Variants in PRH1 observed in about 807,000 individuals in gnomAD.
The protein encoded by PRH1 is proline rich protein HaeIII subfamily 1, also known as salivary acidic proline-rich phosphoprotein 1/2.
PRH1 carries 7 observed loss-of-function variants against 7.9 expected under a neutral mutation model. The observed-to-expected ratio is 0.89, with a 90% CI of 0.50 to 1.67. The LOEUF is 1.67. Among genes scored for constraint, PRH1 ranks in the 40% most tolerant of loss-of-function variants. The pLI, the probability that PRH1 is intolerant of heterozygous loss-of-function variation, is 0.00. For synonymous variants in PRH1, 45 were observed against 80.8 expected (o/e 0.56, Z 2.38); for missense variants, 109 against 223.6 (o/e 0.49, Z 3.27).
intron 1 of PRH1, among the ~76,000 whole-genome samples, chr12:11,167,801 C>T (rs1002696437): frequency 6.6e-6 from 1 of 152,132 alleles, no homozygotes; most frequent in Non-Finnish European, 1.5e-5. Flanking sequence ...AGTTTACTCT[C>T]TTTGTTAGAG....
At chr12:11,155,702 T>G (rs1238319246) in intron 1 of PRH1, among the ~76,000 whole-genome samples, 6 of 152,202 alleles carry the variant, frequency 3.9e-5, no homozygotes, top group Non-Finnish European at 8.8e-5. Context: ...TTTCAATTTC[T>G]CTATATTGTT....
intron 1 of PRH1, among the ~76,000 whole-genome samples, chr12:11,170,460 T>C (rs536709873): frequency 2.6e-5 from 4 of 152,286 alleles, no homozygotes; most frequent in Non-Finnish European, 5.9e-5. Context: ...GGCAGGAGAA[T>C]GGCGTGAACC....
intron 2 of PRH1, among the ~76,000 whole-genome samples, chr12:10,933,377 T>A (rs1333642357): frequency 6.6e-6 from 1 of 152,074 alleles, no homozygotes; most frequent in Admixed American, 6.5e-5. Flanking sequence ...GGCAGTCCTT[T>A]AGTATGCTGA....
chr12:10,965,159 T>C, intron 2 of PRH1: 1 of 1,457,062 alleles, frequency 6.9e-7, no homozygotes, highest in African/African-American at 1.4e-5. Context: ...TGCATACCAA[T>C]GTAATAATAT....
intron 2 of PRH1, chr12:10,973,500 C>A: frequency 3.9e-6 from 2 of 509,476 alleles, no homozygotes; most frequent in Non-Finnish European, 7.0e-6. Context: ...ATCTGTAAAA[C>A]GCACACAATA....
At chr12:11,169,149 T>C (rs571056036) in intron 1 of PRH1, among the ~76,000 whole-genome samples, 2 of 152,368 alleles carry the variant, frequency 1.3e-5, no homozygotes, top group African/African-American at 4.8e-5. Flanking sequence ...ATGCAGTTAA[T>C]CTGTACAATC....
intron 2 of PRH1, among the ~76,000 whole-genome samples, chr12:10,896,373 T>C (rs1206521813): frequency 6.6e-6 from 1 of 152,210 alleles, no homozygotes; most frequent in Non-Finnish European, 1.5e-5. Context: ...TTCTTCATTA[T>C]CAACCTCACT....
chr12:11,026,817 G>A (rs2136087500), intron 1 of PRH1, among the ~76,000 whole-genome samples: 1 of 152,168 alleles, frequency 6.6e-6, no homozygotes, highest in South Asian at 2.1e-4. Context: ...CTTGTGATTT[G>A]CTGAATGGTT....
intron 1 of PRH1, among the ~76,000 whole-genome samples, chr12:11,035,294 T>G (rs1248174985): frequency 2.8e-5 from 4 of 143,498 alleles, no homozygotes; most frequent in Non-Finnish European, 6.2e-5. Flanking sequence ...GTATGTTAGT[T>G]GTTCTGATTG....
At chr12:10,944,644 AAG>A (rs1950457914) in intron 2 of PRH1, among the ~76,000 whole-genome samples, 1 of 152,214 alleles carries the variant, frequency 6.6e-6, no homozygotes, top group South Asian at 2.1e-4. Flanking sequence ...GCTGGTTTTC[AAG>A]AGGAATGCTT....
At chr12:11,011,784 G>A (rs1169408108) in intron 1 of PRH1, among the ~76,000 whole-genome samples, 3 of 152,104 alleles carry the variant, frequency 2.0e-5, no homozygotes, top group Non-Finnish European at 2.9e-5. Context: ...TCTGGTTGCT[G>A]CTAACTAATA....
At chr12:10,999,674 T>C (rs1321242504) in intron 1 of PRH1, among the ~76,000 whole-genome samples, 1 of 152,078 alleles carries the variant, frequency 6.6e-6, no homozygotes, top group Non-Finnish European at 1.5e-5. Flanking sequence ...CCCCTAAACC[T>C]TTATTCACAT....
intron 2 of PRH1, among the ~76,000 whole-genome samples, chr12:10,970,555 G>GT (rs1415059632): frequency 5.0e-5 from 7 of 139,756 alleles, no homozygotes; most frequent in South Asian, 4.4e-4. Flanking sequence ...TTAAAGAAAA[G>GT]TTTTTTTGTT....
chr12:11,072,578 T>C (rs1446943464), intron 1 of PRH1, among the ~76,000 whole-genome samples: 1 of 152,228 alleles, frequency 6.6e-6, no homozygotes, highest in South Asian at 2.1e-4. Context: ...GACAAAACAC[T>C]TGAAAGTTAC....
intron 2 of PRH1, among the ~76,000 whole-genome samples, chr12:10,910,402 G>T (rs143113742): frequency 0.023 from 3,529 of 152,164 alleles, 66 homozygotes; most frequent in African/African-American, 0.045. Flanking sequence ...CGGGAGGACC[G>T]CTCGAGCCCA....
chr12:10,986,479 C>T lies in PRH1; in HGVS notation c.-125-12758G>A, dbSNP rs763777855. On this transcript the variant is annotated intron_variant, in intron 1 of 3. Coordinates refer to the PRH1 transcript ENST00000539853. ...GTCCCCAACAGTATCACCAGAATGA[C>T]ACTCCTAACTCTCCTCTTTAAATGA... is the stretch of plus-strand genomic sequence containing the variant. The T allele has an allele frequency of 1.1e-5, 18 of 1,613,932 alleles. No homozygotes were observed. The African/African-American group carries it at 2.1e-4, about 19-fold the overall frequency.
At chr12:11,073,008 C>T (rs549620781) in intron 1 of PRH1, among the ~76,000 whole-genome samples, 1 of 151,128 alleles carries the variant, frequency 6.6e-6, no homozygotes, top group South Asian at 2.1e-4. Flanking sequence ...AATACTTGAA[C>T]GTTAAATAGA....
intron 1 of PRH1, among the ~76,000 whole-genome samples, chr12:11,103,432 C>T (rs28419178): frequency 0.29 from 43,895 of 151,490 alleles, 8,236 homozygotes; most frequent in East Asian, 0.74. Context: ...AGCAAACTAT[C>T]GCAAGGACAG....
intron 1 of PRH1, among the ~76,000 whole-genome samples, chr12:10,998,986 T>C (rs1442017167): frequency 2.0e-5 from 3 of 152,074 alleles, no homozygotes; most frequent in African/African-American, 4.8e-5. Context: ...GAGTAACTCA[T>C]GGAATCATAT....
Sources: allele counts gnomAD v4.1 joint callset (sites outside exome capture counted in the v4.1 genomes callset), GRCh38; gene constraint gnomAD v4.1.1; transcripts MANE v1.5; gene names NCBI Gene and HGNC (gene_info 2026-07-23, HGNC 2026-07-21).